The following LGALS3 variants were observed in gnomAD, a reference collection of about 807,000 sequenced individuals.
LGALS3 encodes galectin-3.
In LGALS3, 18 loss-of-function variants were observed where a neutral mutation model predicts 20.7. That is an observed-to-expected ratio of 0.87 (90% confidence interval 0.60 to 1.29). The LOEUF (loss-of-function observed/expected upper bound fraction) is 1.29. Ranked by LOEUF, LGALS3 falls within the 50% of genes most tolerant of loss-of-function variation. The probability of loss-of-function intolerance (pLI) is 0.00; values close to 1 mark genes in which losing one functional copy is unlikely to be tolerated. For synonymous variants in LGALS3, 112 were observed against 119.6 expected (o/e 0.94, Z 0.42); for missense variants, 315 against 314.7 (o/e 1.00, Z -0.01).
chr14:55,141,056 C>G (rs967463551), intron 4 of LGALS3, among the ~76,000 whole-genome samples: 1 of 152,144 alleles, frequency 6.6e-6, no homozygotes, highest in African/African-American at 2.4e-5. Context: ...CTAAATGGCA[C>G]AAATTCAAGC....
At chr14:55,140,870 C>T (rs1197837880) in intron 4 of LGALS3, among the ~76,000 whole-genome samples, 1 of 152,166 alleles carries the variant, frequency 6.6e-6, no homozygotes, top group Non-Finnish European at 1.5e-5. Flanking sequence ...TGGGGTGAGG[C>T]TTTATTTAGG....
chr14:55,143,895 G>T (rs554810059), intron 5 of LGALS3, among the ~76,000 whole-genome samples: 5 of 151,856 alleles, frequency 3.3e-5, no homozygotes, highest in Admixed American at 6.5e-5. Flanking sequence ...CTTCCTAGAA[G>T]CAAGTCTTCT....
At chr14:55,142,515 A>T (rs928278158) in intron 4 of LGALS3, 69 bp from the exon 5 acceptor site, 3 of 1,307,858 alleles carry the variant, frequency 2.3e-6, no homozygotes, top group Admixed American at 2.2e-5. Context: ...TTAGAAAATT[A>T]CATGTTCTTT....
intron 5 of LGALS3, among the ~76,000 whole-genome samples, chr14:55,144,810 C>A (rs145357316): frequency 6.6e-6 from 1 of 152,054 alleles, no homozygotes; most frequent in Non-Finnish European, 1.5e-5. Flanking sequence ...GTGATCCACC[C>A]GCCTCAGCCT....
chr14:55,130,750 TGGTGG>T (rs1424132555), intron 1 of LGALS3, among the ~76,000 whole-genome samples: 8 of 46,156 alleles, frequency 1.7e-4, no homozygotes, highest in East Asian at 6.7e-4. Flanking sequence ...GTGGTGGTGG[TGGTGG>T]GGGGGGGGGG....
Position 55,145,129 on chromosome 14 carries a change from T to C in LGALS3, c.611T>C (p.Val204Ala). Residue 204 changes from valine (V) to alanine (A), a missense_variant, in exon 6 of 6, where the codon GTT (valine) becomes GCT (alanine). Val to Ala is a moderately conservative substitution (Grantham distance 64). Transcript: ENST00000254301. ...SGKPFKIQVL[V>A]EPDHFKVAVN... ...ATGCCATTTCAGATACAAGTACTGGTTGAACCTGACCACTTCAAGGTTGCA... is the reference window on the plus strand; with the variant it reads ...ATGCCATTTCAGATACAAGTACTGGCTGAACCTGACCACTTCAAGGTTGCA... 6.2e-7 allele frequency: 1 copy of C among 1,613,806 alleles called. No homozygotes were observed. Among genetic ancestry groups the C allele is most frequent in the Non-Finnish European group, 8.5e-7 (1 of 1,179,792 alleles).
In LGALS3 at chr14:55,138,345, T is replaced by C. The variant is rs1016500313; in HGVS notation, c.319T>C (p.Tyr107His). 6.2e-7 allele frequency: 1 copy of C among 1,612,912 alleles called. No homozygotes were observed. Among genetic ancestry groups the C allele is most frequent in the African/African-American group, 1.3e-5 (1 of 75,056 alleles). ...CGGAGCCTACCCTGCCACTGGCCCC[T>C]ATGGCGCCCCTGCTGGGCCACTGGT... is the stretch of plus-strand genomic sequence containing the variant. ...ATGAYPATGP[Y>H]GAPAGPLIVP... The change falls in exon 3 of 6, where the codon TAT (tyrosine) becomes CAT (histidine). Residue 107 changes from tyrosine to histidine, a missense_variant. By Grantham distance (83) the Tyr-to-His change is moderately conservative (BLOSUM62 2). Coordinates refer to ENST00000254301, the MANE Select transcript of LGALS3 (RefSeq NM_002306.4).
intron 1 of LGALS3, among the ~76,000 whole-genome samples, chr14:55,136,810 C>T (rs1406969850): frequency 6.8e-6 from 1 of 148,008 alleles, no homozygotes; most frequent in Non-Finnish European, 1.5e-5. Flanking sequence ...CTCCCACCCT[C>T]CCTCACTACC....
At position 55,145,099 on chromosome 14, in the gene LGALS3, T is replaced by C. The variant is rs766594039; in HGVS notation, c.598-17T>C. On this transcript the variant is annotated splice_polypyrimidine_tract_variant and intron_variant, in intron 5 of 5. Transcript: ENST00000254301. ...ATGCATTACCTCATGTAACAGTTTA[T>C]GTATATGCCATTTCAGATACAAGTA... 1.2e-6 allele frequency: 2 copies of C among 1,607,632 alleles called. No individual in the cohort carries two copies. Among genetic ancestry groups the C allele is most frequent in the African/African-American group, 2.7e-5 (2 of 74,800 alleles).
intron 4 of LGALS3, among the ~76,000 whole-genome samples, chr14:55,140,763 G>A (rs1881594678): frequency 6.6e-6 from 1 of 152,174 alleles, no homozygotes; most frequent in Non-Finnish European, 1.5e-5. Flanking sequence ...GATACTATTT[G>A]CTTATGGGTT....
At chr14:55,140,712 C>T (rs1594653719) in intron 4 of LGALS3, among the ~76,000 whole-genome samples, 1 of 152,176 alleles carries the variant, frequency 6.6e-6, no homozygotes, top group South Asian at 2.1e-4. Context: ...TCAGGTTCTA[C>T]AGATGATCAG....
intron 1 of LGALS3, chr14:55,137,049 CAGT>C: frequency 2.2e-6 from 1 of 445,358 alleles, no homozygotes; most frequent in South Asian, 2.4e-5. Flanking sequence ...TTTCCTGTCT[CAGT>C]AGTAATCAAT....
chr14:55,137,355 CTT>C lies in LGALS3; in HGVS notation c.-4-13_-4-12del, dbSNP rs1881433462. The C allele has an allele frequency of 1.2e-6, 2 of 1,612,252 alleles. No individual in the cohort carries two copies. The highest frequency in any genetic ancestry group is 1.7e-5 in the Admixed American group (1 of 60,008). On this transcript the variant is annotated splice_polypyrimidine_tract_variant and intron_variant, in intron 1 of 5. Transcript: ENST00000254301. ...AAAGCTTTTAGGATAAAATGATAAT[CTT>C]TGTTTCTTTCAGGAAAATGGCAGAC...
chr14:55,142,446 T>A (rs968784308), intron 4 of LGALS3, 138 bp from the exon 5 acceptor site: 13 of 581,192 alleles, frequency 2.2e-5, no homozygotes, highest in Non-Finnish European at 2.7e-5. Flanking sequence ...CCATTCTGAT[T>A]TATTTGCTTT....
chr14:55,143,957 A>G (rs1366781553), intron 5 of LGALS3, among the ~76,000 whole-genome samples: 1 of 152,154 alleles, frequency 6.6e-6, no homozygotes, highest in Non-Finnish European at 1.5e-5. Context: ...TGCTTTAAAT[A>G]TACATGTTTA....
chr14:55,141,391 C>A (rs958579730), intron 4 of LGALS3, among the ~76,000 whole-genome samples: 2 of 152,172 alleles, frequency 1.3e-5, no homozygotes, highest in Non-Finnish European at 2.9e-5. Flanking sequence ...ACATAGAACC[C>A]AGCACACCTT....
At chr14:55,144,360 G>C (rs905217057) in intron 5 of LGALS3, among the ~76,000 whole-genome samples, 2 of 152,180 alleles carry the variant, frequency 1.3e-5, no homozygotes, top group East Asian at 3.9e-4. Flanking sequence ...TGCCTGGGCT[G>C]GTCTCAAACT....
At position 55,142,751 on chromosome 14, in the gene LGALS3, T is replaced by C; in HGVS notation, c.597+2T>C. 2.5e-6 allele frequency: 4 copies of C among 1,605,182 alleles called. No homozygotes were observed. The highest frequency in any genetic ancestry group is 2.6e-6 in the Non-Finnish European group (3 of 1,172,032). ...TTTGAAAGTGGGAAACCATTCAAAGTAAGTTATTGCTACTATTATATATTG... is the reference window on the plus strand; with the variant it reads ...TTTGAAAGTGGGAAACCATTCAAAGCAAGTTATTGCTACTATTATATATTG... On this transcript the variant is annotated splice_donor_variant, in intron 5 of 5. Transcript: ENST00000254301. LOFTEE classifies it high-confidence loss of function.
chr14:55,137,401 T>G lies in LGALS3; in HGVS notation c.18+10T>G. Reference sequence around the variant, plus strand: ...GGCAGACAATTTTTCGGTAAGTGTTTTATGCCTGTTTCTTCCCCTTGATCA... The same window carrying G: ...GGCAGACAATTTTTCGGTAAGTGTTGTATGCCTGTTTCTTCCCCTTGATCA... On this transcript the variant is annotated intron_variant, in intron 2 of 5. Transcript: ENST00000254301. The G allele has an allele frequency of 1.2e-6, 2 of 1,614,228 alleles. No individual in the cohort carries two copies. Among genetic ancestry groups the G allele is most frequent in the East Asian group, 4.5e-5 (2 of 44,888 alleles).
Sources: allele counts gnomAD v4.1 joint callset (sites outside exome capture counted in the v4.1 genomes callset), GRCh38; gene constraint gnomAD v4.1.1; transcripts MANE v1.5; gene names NCBI Gene and HGNC (gene_info 2026-07-23, HGNC 2026-07-21).